The following SLC25A40 variants were observed in gnomAD, a reference collection of about 807,000 sequenced individuals.
SLC25A40 encodes the protein mitochondrial glutathione transporter SLC25A40.
In SLC25A40, 41 loss-of-function variants were observed where a neutral mutation model predicts 46.5. The ratio of observed to expected loss-of-function variants is 0.88; its 90% CI spans 0.69 to 1.14. The LOEUF (loss-of-function observed/expected upper bound fraction) is 1.14, where lower values mean the gene tolerates loss of function less well. Ranked by LOEUF, SLC25A40 falls within the 50% of genes most tolerant of loss-of-function variation. SLC25A40 has a pLI of 0.00. For synonymous variants in SLC25A40, 126 were observed against 127.5 expected (o/e 0.99, Z 0.08); for missense variants, 386 against 393.6 (o/e 0.98, Z 0.16).
chr7:87,865,804 G>A (rs1407389924), intron 1 of SLC25A40, among the ~76,000 whole-genome samples: 1 of 151,976 alleles, frequency 6.6e-6, no homozygotes, highest in South Asian at 2.1e-4. Context: ...CTTGGGGACT[G>A]TGCACAGTGG....
chr7:87,837,347 G>A (rs1275032948), intron 10 of SLC25A40, among the ~76,000 whole-genome samples: 1 of 150,968 alleles, frequency 6.6e-6, no homozygotes, highest in Admixed American at 6.6e-5. Context: ...ATTGTAAATA[G>A]TTTTAAAACT....
At position 87,843,823 on chromosome 7, in the gene SLC25A40, T is replaced by C. The variant is rs1237020403; in HGVS notation, c.672A>G (p.Leu224=). ...WYNYEILKKW[L]CEKSGLYEPT... Reference sequence around the variant, plus strand: ...GCTCATATAAACCAGATTTCTCACATAACCACTTCTTTAAAATTTCATAGT... The same window carrying C: ...GCTCATATAAACCAGATTTCTCACACAACCACTTCTTTAAAATTTCATAGT... Residue 224 remains leucine, a synonymous_variant, in exon 9 of 12, where the codon TTA becomes TTG. Transcript: ENST00000341119. The C allele has an allele frequency of 6.2e-7, 1 of 1,610,632 alleles. No individual in the cohort carries two copies. Among genetic ancestry groups the C allele is most frequent in the Non-Finnish European group, 8.5e-7 (1 of 1,177,808 alleles).
chr7:87,875,261 T>C (rs1838974433), intron 1 of SLC25A40, among the ~76,000 whole-genome samples: 1 of 152,250 alleles, frequency 6.6e-6, no homozygotes, highest in Admixed American at 6.5e-5. Flanking sequence ...AACTGTCTAA[T>C]AAGCATAGTT....
Position 87,858,708 on chromosome 7 carries a change from C to T in SLC25A40, c.20G>A (p.Gly7Glu). 2 of 1,612,048 alleles carry T rather than the reference C, an allele frequency of 1.2e-6. No individual in the cohort carries two copies. Among genetic ancestry groups the T allele is most frequent in the South Asian group, 2.2e-5 (2 of 91,002 alleles). ...AGGTGTCACTTTGATAATCTCTTGT[C>T]CCCTTGTCTCAGGATCCATATTTTT... The part of the protein sequence containing the change: MDPETR[G>E]QEIIKVTPLQ... Residue 7 changes from glycine to glutamate, a missense_variant, in exon 3 of 12, where the codon GGA becomes GAA. By Grantham distance (98) the Gly-to-Glu change is moderately conservative. Coordinates refer to ENST00000341119, the MANE Select transcript of SLC25A40 (RefSeq NM_018843.4).
chr7:87,863,191 T>C (rs1442724416), intron 1 of SLC25A40, among the ~76,000 whole-genome samples: 1 of 152,122 alleles, frequency 6.6e-6, no homozygotes, highest in Non-Finnish European at 1.5e-5. Context: ...TTTAAAAAAA[T>C]ACTTAGGAAT....
chr7:87,851,230 A>G (rs1838503659), intron 5 of SLC25A40, among the ~76,000 whole-genome samples: 2 of 152,240 alleles, frequency 1.3e-5, no homozygotes, highest in African/African-American at 2.4e-5. Context: ...TATTCACATA[A>G]TATTACTTGG....
At chr7:87,870,873 T>C (rs1357156475) in intron 1 of SLC25A40, among the ~76,000 whole-genome samples, 1 of 152,174 alleles carries the variant, frequency 6.6e-6, no homozygotes, top group Non-Finnish European at 1.5e-5. Flanking sequence ...TCATTCCTCC[T>C]GGATGCCCGA....
intron 1 of SLC25A40, among the ~76,000 whole-genome samples, chr7:87,865,872 A>G (rs1241853998): frequency 2.0e-5 from 3 of 152,188 alleles, no homozygotes; most frequent in Non-Finnish European, 4.4e-5. Flanking sequence ...GCTTGAGCCC[A>G]GGAGTTGAAG....
intron 1 of SLC25A40, among the ~76,000 whole-genome samples, chr7:87,869,380 G>A (rs1010437915): frequency 1.3e-5 from 2 of 151,938 alleles, no homozygotes; most frequent in African/African-American, 4.8e-5. Context: ...TACAAAAAAT[G>A]AGCTAGGTGT....
intron 1 of SLC25A40, among the ~76,000 whole-genome samples, chr7:87,865,560 C>T (rs1838780225): frequency 6.6e-6 from 1 of 152,160 alleles, no homozygotes. Context: ...CACTTAAGGC[C>T]ACAAGTTTGA....
chr7:87,843,164 A>T (rs1838359345), intron 9 of SLC25A40, among the ~76,000 whole-genome samples: 1 of 151,896 alleles, frequency 6.6e-6, no homozygotes, highest in Non-Finnish European at 1.5e-5. Context: ...ATGTGGGTAT[A>T]AAAAAAACTG....
chr7:87,875,799 C>G (rs1440390356), intron 1 of SLC25A40, among the ~76,000 whole-genome samples: 1 of 152,228 alleles, frequency 6.6e-6, no homozygotes, highest in Non-Finnish European at 1.5e-5. Context: ...TCTGCGGTGG[C>G]GCTGCCGTCA....
At chr7:87,849,829 G>A in intron 6 of SLC25A40, 52 bp downstream of exon 6, 1 of 1,264,848 alleles carries the variant, frequency 7.9e-7, no homozygotes, top group Non-Finnish European at 1.1e-6. Context: ...GCTGATTATA[G>A]GATAAAATAA....
intron 1 of SLC25A40, among the ~76,000 whole-genome samples, chr7:87,868,636 T>C (rs759176956): frequency 4.6e-5 from 7 of 152,130 alleles, no homozygotes; most frequent in Non-Finnish European, 8.8e-5. Context: ...ATAAATGATA[T>C]CGCAAAGGGA....
rs1254734732 is a variant in SLC25A40, at chr7:87,854,329, A to G, written c.158-19T>C. 1.4e-6 allele frequency: 2 copies of G among 1,453,414 alleles called. No homozygotes were observed. The highest frequency in any genetic ancestry group is 2.3e-5 in the East Asian group (1 of 43,406). 90.0% of individuals were successfully genotyped at this position (1,453,414 alleles called of 1,614,324 possible). A position where few individuals can be genotyped will look rare whatever the true frequency, so the allele number is the denominator to read the frequency against. On this transcript the variant is annotated intron_variant, in intron 4 of 11. Coordinates refer to ENST00000341119, the MANE Select transcript of SLC25A40 (RefSeq NM_018843.4). The stretch of plus-strand genomic sequence containing the variant: ...CATTTTCCTAACAAAGAAGATTCCA[A>G]CAACCAACAATTACCTCACATAACT...
chr7:87,847,867 C>T lies in SLC25A40; in HGVS notation c.443G>A (p.Gly148Glu). The change falls in exon 7 of 12, where the codon GGA becomes GAA. Residue 148 changes from glycine (G) to glutamate (E), a missense_variant. Coordinates refer to ENST00000341119, the MANE Select transcript of SLC25A40 (RefSeq NM_018843.4). ...TTATTACTCACATCTGGCTACAATT[C>T]CAGCAACAATTGGTATGCAGGTTTC... ...ENETCIPIVA[G>E]IVARFGAVTV... 1 of 1,607,986 alleles carries T rather than the reference C, an allele frequency of 6.2e-7. No homozygotes were observed. The highest frequency in any genetic ancestry group is 8.5e-7 in the Non-Finnish European group (1 of 1,178,074).
intron 1 of SLC25A40, among the ~76,000 whole-genome samples, chr7:87,870,676 G>C (rs1481197557): frequency 6.6e-6 from 1 of 152,212 alleles, no homozygotes; most frequent in Admixed American, 6.5e-5. Context: ...TCTGAGAGAA[G>C]CAGCTTACTT....
intron 3 of SLC25A40, among the ~76,000 whole-genome samples, chr7:87,857,216 A>G (rs1312141385): frequency 2.0e-5 from 3 of 152,346 alleles, no homozygotes; most frequent in Non-Finnish European, 2.9e-5. Context: ...TGTTACGAAC[A>G]TAAATTGTGA....
intron 5 of SLC25A40, 118 bp from the exon 6 acceptor site, chr7:87,850,066 T>C: frequency 1.5e-6 from 1 of 660,412 alleles, no homozygotes; most frequent in Non-Finnish European, 2.5e-6. Context: ...AAAAATAAGC[T>C]TTTTGGATTT....
Sources: allele counts gnomAD v4.1 joint callset (sites outside exome capture counted in the v4.1 genomes callset), GRCh38; gene constraint gnomAD v4.1.1; transcripts MANE v1.5; gene names NCBI Gene and HGNC (gene_info 2026-07-23, HGNC 2026-07-21).